SCLT1: variants seen among roughly 807,000 people sequenced by gnomAD.
SCLT1 encodes the protein sodium channel-associated protein 1.
A neutral mutation model predicts 112.8 loss-of-function variants in SCLT1; 78 were observed. The ratio of observed to expected loss-of-function variants is 0.69; its 90% CI spans 0.58 to 0.83. The LOEUF (loss-of-function observed/expected upper bound fraction) is 0.83. Ranked by LOEUF, SCLT1 falls within the 40% of genes least tolerant of loss-of-function variation. The pLI, the probability that SCLT1 is intolerant of heterozygous loss-of-function variation, is 0.00. For synonymous variants in SCLT1, 257 were observed against 254.7 expected, an observed-to-expected ratio of 1.01 and a Z score of -0.09; for missense variants, 747 against 770.4, an observed-to-expected ratio of 0.97 and a Z score of 0.36.
intron 18 of SCLT1, among the ~76,000 whole-genome samples, chr4:128,919,125 A>G (rs111722654): frequency 1.9e-4 from 29 of 152,222 alleles, no homozygotes; most frequent in African/African-American, 6.7e-4. Context: ...CAGAATATAC[A>G]TTCTTCTCAT....
chr4:128,945,571 G>A (rs1738080882), intron 16 of SCLT1, among the ~76,000 whole-genome samples: 1 of 151,956 alleles, frequency 6.6e-6, no homozygotes, highest in East Asian at 1.9e-4. Context: ...CCGTCGGGGT[G>A]GGGAGGTAGA....
chr4:128,959,612 A>C lies in SCLT1; in HGVS notation c.1035T>G (p.Leu345=), dbSNP rs566969961. 6.2e-7 allele frequency: 1 copy of C among 1,612,174 alleles called. No individual in the cohort carries two copies. Among genetic ancestry groups the C allele is most frequent in the Non-Finnish European group, 8.5e-7 (1 of 1,179,230 alleles). Residue 345 remains leucine, a synonymous_variant, in exon 12 of 21, where the codon CTT becomes CTG. Transcript: ENST00000281142. The part of the protein sequence containing the change: ...NSMQLLEEAN[L]QKSQALLEEK... The stretch of plus-strand genomic sequence containing the variant: ...CTAGCTTTCTTACCTGACTTTTTTG[A>C]AGGTTAGCTTCTTCTAAGAGTTGCA...
intron 2 of SCLT1, among the ~76,000 whole-genome samples, chr4:129,061,533 C>T (rs537215757): frequency 2.0e-5 from 3 of 152,234 alleles, no homozygotes; most frequent in African/African-American, 7.2e-5. Flanking sequence ...GTGGTCTAAA[C>T]ACCATTTTGC....
At chr4:128,891,902 C>T (rs1733355956) in intron 18 of SCLT1, among the ~76,000 whole-genome samples, 1 of 152,106 alleles carries the variant, frequency 6.6e-6, no homozygotes, top group Admixed American at 6.5e-5. Flanking sequence ...TCCTCGGCCT[C>T]CCAAAGTGCT....
intron 9 of SCLT1, among the ~76,000 whole-genome samples, chr4:128,986,393 GCAGT>G (rs892204959): frequency 6.6e-6 from 1 of 152,116 alleles, no homozygotes; most frequent in Non-Finnish European, 1.5e-5. Context: ...AATTTAAGTG[GCAGT>G]CAGGCCACAA....
Position 129,047,215 on chromosome 4 carries a change from C to A in SCLT1, c.103-3164G>T, listed in dbSNP as rs140158235. ...CTATTATAAGCTCATAACTTCTTCC[C>A]TCAAGTTTTGTTCTAAAAGCTTTAC... On this transcript the variant is annotated intron_variant, in intron 2 of 20. Transcript: ENST00000281142. 3.8e-3 allele frequency among the ~76,000 whole-genome samples: 573 copies of A among 152,186 alleles called. 2 individuals are homozygous for A. Among genetic ancestry groups the A allele is most frequent in the Non-Finnish European group, 6.5e-3 (445 of 67,970 alleles).
chr4:128,889,426 A>G (rs925159636), intron 19 of SCLT1, among the ~76,000 whole-genome samples: 2 of 152,238 alleles, frequency 1.3e-5, no homozygotes, highest in African/African-American at 4.8e-5. Context: ...CTACAAGCCA[A>G]AGAATGTCTG....
chr4:128,946,234 G>A, intron 15 of SCLT1, 82 bp from the exon 16 acceptor site: 1 of 832,192 alleles, frequency 1.2e-6, no homozygotes, highest in African/African-American at 1.7e-5. Context: ...ATCAATGGAA[G>A]AAATAAAAAG....
Position 128,946,031 on chromosome 4 carries a change from T to A in SCLT1, c.1415A>T (p.Asn472Ile). 1 of 1,610,468 alleles carries A rather than the reference T, an allele frequency of 6.2e-7. No homozygotes were observed. The highest frequency in any genetic ancestry group is 8.5e-7 in the Non-Finnish European group (1 of 1,177,620). ...CTCAGTTTCAAGTTGTTTTATTCTA[T>A]TTTCTGCTCTCGTAAGTCTTAGCTG... ...DLQLRLTRAE[N>I]RIKQLETDSS... Residue 472 changes from asparagine (N) to isoleucine (I), a missense_variant, in exon 16 of 21, where the codon AAT becomes ATT. Asn to Ile is a moderately radical substitution (Grantham distance 149). Coordinates refer to ENST00000281142, the MANE Select transcript of SCLT1 (RefSeq NM_144643.4).
chr4:128,913,237 C>A (rs1735233703), intron 18 of SCLT1, among the ~76,000 whole-genome samples: 1 of 152,058 alleles, frequency 6.6e-6, no homozygotes, highest in African/African-American at 2.4e-5. Flanking sequence ...TACAGCAAAA[C>A]AAAAATAAAA....
rs1185423686 is a variant in SCLT1, at chr4:129,093,008, G to T, written c.34+62C>A. Reference sequence around the variant, plus strand: ...CCCAACCAGCATTCAAAAAAGATTTGTCGGTCAACGACGACGATATTAAAC... The same window carrying T: ...CCCAACCAGCATTCAAAAAAGATTTTTCGGTCAACGACGACGATATTAAAC... On this transcript the variant is annotated intron_variant, in intron 1 of 20. Coordinates refer to ENST00000281142, the MANE Select transcript of SCLT1 (RefSeq NM_144643.4). 8 of 1,214,510 alleles carry T rather than the reference G, an allele frequency of 6.6e-6. No homozygotes were observed. The African/African-American group carries it at 9.0e-5, about 14-fold the overall frequency. 75.2% of individuals were successfully genotyped at this position (1,214,510 alleles called of 1,614,324 possible).
At chr4:128,897,867 G>T (rs1733914242) in intron 18 of SCLT1, among the ~76,000 whole-genome samples, 1 of 152,082 alleles carries the variant, frequency 6.6e-6, no homozygotes, top group African/African-American at 2.4e-5. Context: ...GGCAGGGGTT[G>T]CAATCCTAGT....
intron 9 of SCLT1, among the ~76,000 whole-genome samples, chr4:128,975,040 C>CTTTTTTTTTTTGTTTTT (rs1741028904): frequency 1.1e-5 from 1 of 87,056 alleles, no homozygotes; most frequent in African/African-American, 5.4e-5. Flanking sequence ...TGAATGACAA[C>CTTTTTTTTTTTGTTTTT]TTTTTTTTTT....
At chr4:129,019,600 C>CTTAATT (rs1745276247) in intron 5 of SCLT1, among the ~76,000 whole-genome samples, 1 of 151,950 alleles carries the variant, frequency 6.6e-6, no homozygotes, top group Non-Finnish European at 1.5e-5. Context: ...AAGGCAGGCA[C>CTTAATT]CCCAGCAGCC....
downstream of SCLT1, among the ~76,000 whole-genome samples, chr4:128,880,596 G>T (rs1409183632): frequency 3.9e-5 from 6 of 152,148 alleles, no homozygotes. Flanking sequence ...CTTTGAAAAA[G>T]ACTTAGGATT....
At chr4:128,962,486 C>G (rs1739825821) in intron 11 of SCLT1, among the ~76,000 whole-genome samples, 1 of 152,092 alleles carries the variant, frequency 6.6e-6, no homozygotes, top group Admixed American at 6.6e-5. Flanking sequence ...TTTGTTCTTC[C>G]TTTATACTGA....
chr4:128,980,267 C>A (rs906736884), intron 9 of SCLT1, among the ~76,000 whole-genome samples: 1 of 152,026 alleles, frequency 6.6e-6, no homozygotes, highest in Admixed American at 6.6e-5. Flanking sequence ...TAAATTAGAA[C>A]ATGAAACATC....
chr4:129,032,137 A>T (rs558945671), intron 5 of SCLT1, among the ~76,000 whole-genome samples: 1 of 152,206 alleles, frequency 6.6e-6, no homozygotes, highest in East Asian at 1.9e-4. Flanking sequence ...ATCAAATCAG[A>T]TATATATAGA....
intron 18 of SCLT1, among the ~76,000 whole-genome samples, chr4:128,901,136 G>A (rs1469184434): frequency 6.6e-6 from 1 of 152,070 alleles, no homozygotes; most frequent in Non-Finnish European, 1.5e-5. Context: ...ATCTAGAACT[G>A]GAAATACCAT....
Sources: allele counts gnomAD v4.1 joint callset (sites outside exome capture counted in the v4.1 genomes callset), GRCh38; gene constraint gnomAD v4.1.1; transcripts MANE v1.5; gene names NCBI Gene and HGNC (gene_info 2026-07-23, HGNC 2026-07-21).